SLC16A2: variants seen among roughly 807,000 people sequenced by gnomAD.
SLC16A2 encodes the protein monocarboxylate transporter 8.
SLC16A2 carries 3 observed loss-of-function variants against 27.2 expected under a neutral mutation model. That is an observed-to-expected ratio of 0.11 (90% CI 0.05 to 0.28). The LOEUF is 0.28. SLC16A2 is among the 10% of genes least tolerant of loss of function. The pLI, the probability that SLC16A2 is intolerant of heterozygous loss-of-function variation, is 1.00. For missense variants in SLC16A2, 295 were observed against 458.5 expected, an observed-to-expected ratio of 0.64 and a Z score of 3.26; for synonymous variants, 202 against 187.8, an observed-to-expected ratio of 1.08 and a Z score of -0.62.
At chrX:74,495,483 T>G in intron 1 of SLC16A2, among the ~76,000 whole-genome samples, 1 of 109,002 alleles carries the variant, frequency 9.2e-6, no homozygotes, top group Non-Finnish European at 1.9e-5. Flanking sequence ...TGTCCTGTGG[T>G]TGAAGGAGGC....
intron 1 of SLC16A2, among the ~76,000 whole-genome samples, chrX:74,458,057 G>T (rs1929067519): frequency 9.0e-6 from 1 of 111,728 alleles, no homozygotes; most frequent in Admixed American, 9.5e-5. Context: ...TGATACTAAA[G>T]AAACAAAACA....
chrX:74,446,178 C>T (rs1001181950), intron 1 of SLC16A2, among the ~76,000 whole-genome samples: 2 of 110,862 alleles, frequency 1.8e-5, no homozygotes, highest in African/African-American at 6.6e-5. Context: ...CAGGGTAGAG[C>T]CACACTCTCA....
At chrX:74,526,993 T>C (rs906467047) in intron 4 of SLC16A2, among the ~76,000 whole-genome samples, 3 of 112,514 alleles carry the variant, frequency 2.7e-5, no homozygotes, top group Non-Finnish European at 5.6e-5. Flanking sequence ...AATCTGGCAT[T>C]GGGCCAGGGC....
rs147814121 is a variant in SLC16A2 at position 74,529,273 on chromosome X, G to A, written c.1231G>A (p.Gly411Arg). The A allele has an allele frequency of 4.6e-5, 56 of 1,210,212 alleles. No individual in the cohort carries two copies. Among genetic ancestry groups the A allele is most frequent in the Admixed American group, 8.7e-5 (4 of 45,908 alleles). ...SMMIPLCRDF[G>R]GLIVVCLFLG... Reference sequence around the variant, plus strand: ...GATGATTCCCCTGTGCCGGGACTTCGGGGGCCTTATCGTCGTCTGTCTTTT... The same window carrying A: ...GATGATTCCCCTGTGCCGGGACTTCAGGGGCCTTATCGTCGTCTGTCTTTT... Residue 411 changes from glycine (G) to arginine (R), a missense_variant, in exon 5 of 6, where the codon GGG becomes AGG. Gly to Arg is a moderately radical substitution (Grantham distance 125). This residue lies in a region of SLC16A2 where 144 missense variants were observed against 219.8 expected (regional missense o/e 0.66). Coordinates refer to ENST00000587091, the MANE Select transcript of SLC16A2 (RefSeq NM_006517.5).
intron 1 of SLC16A2, among the ~76,000 whole-genome samples, chrX:74,468,507 T>C (rs967125413): frequency 3.6e-5 from 4 of 112,138 alleles, no homozygotes; most frequent in Non-Finnish European, 7.5e-5. Context: ...ATTTTGTTTA[T>C]GCACTTACAA....
At position 74,455,727 on chromosome X, in the gene SLC16A2, C is replaced by T. The variant is rs541637289; in HGVS notation, c.430+33660C>T. On this transcript the variant is annotated intron_variant, in intron 1 of 5. Coordinates refer to ENST00000587091, the MANE Select transcript of SLC16A2 (RefSeq NM_006517.5). ...CTGGGCATGGCAGCCATGTGGGGAG[C>T]AGTCAGTAGTAGTTCTGTGGTATGT... Among the ~76,000 whole-genome samples, 3 of 111,373 alleles carry T rather than the reference C, an allele frequency of 2.7e-5. No homozygotes were observed. The South Asian group carries it at 1.2e-3, about 43-fold the overall frequency.
intron 2 of SLC16A2, among the ~76,000 whole-genome samples, chrX:74,522,433 C>G (rs1930421298): frequency 9.0e-6 from 1 of 111,283 alleles, no homozygotes; most frequent in African/African-American, 3.3e-5. Flanking sequence ...TGCCTGGAAA[C>G]TACTCAGCAC....
At chrX:74,443,679 A>C (rs368073918) in intron 1 of SLC16A2, among the ~76,000 whole-genome samples, 1 of 112,152 alleles carries the variant, frequency 8.9e-6, no homozygotes, top group East Asian at 2.8e-4. Context: ...GCAAATAAGA[A>C]ATTCCTGCAA....
rs1309559684 is a variant in SLC16A2 at position 74,531,329 on chromosome X, T to C, written c.1400-4T>C. ...GCTTGACTTGTCTCTCTTGACTGTT[T>C]CAGGCCTACTCCGCAACTGTTTTGG... On this transcript the variant is annotated splice_polypyrimidine_tract_variant and splice_region_variant and intron_variant, in intron 5 of 5. Transcript: ENST00000587091. 1.7e-6 allele frequency: 2 copies of C among 1,206,444 alleles called. No individual in the cohort carries two copies. Among genetic ancestry groups the C allele is most frequent in the Non-Finnish European group, 2.2e-6 (2 of 891,520 alleles).
At chrX:74,436,031 A>G (rs1928626379) in intron 1 of SLC16A2, among the ~76,000 whole-genome samples, 1 of 111,358 alleles carries the variant, frequency 9.0e-6, no homozygotes, top group South Asian at 3.8e-4. Context: ...AGGGTGATGG[A>G]GAGTGGTGAG....
chrX:74,494,776 G>C (rs142888117), intron 1 of SLC16A2, among the ~76,000 whole-genome samples: 1,458 of 111,172 alleles, frequency 0.013, 22 homozygotes, highest in African/African-American at 0.046. Flanking sequence ...AGAATGAAGA[G>C]CTCAGTGTCA....
chrX:74,477,840 G>A (rs1408299950), intron 1 of SLC16A2, among the ~76,000 whole-genome samples: 1 of 112,375 alleles, frequency 8.9e-6, no homozygotes, highest in Non-Finnish European at 1.9e-5. Flanking sequence ...ACTGTGGTCT[G>A]AGAGGCAGTT....
intron 1 of SLC16A2, among the ~76,000 whole-genome samples, chrX:74,452,310 A>T (rs1928958639): frequency 8.9e-6 from 1 of 112,004 alleles, no homozygotes; most frequent in Non-Finnish European, 1.9e-5. Context: ...TTCCCGTTCT[A>T]GGAAAGAGAA....
intron 5 of SLC16A2, among the ~76,000 whole-genome samples, chrX:74,531,042 C>A (rs992665014): frequency 8.9e-6 from 1 of 112,396 alleles, no homozygotes. Flanking sequence ...CTGTGGATTT[C>A]TTTTAAACTA....
Position 74,452,972 on chromosome X carries a change from A to G in SLC16A2, c.430+30905A>G, listed in dbSNP as rs773281867. 2.7e-5 allele frequency among the ~76,000 whole-genome samples: 3 copies of G among 111,350 alleles called. No individual in the cohort carries two copies. In the South Asian group the frequency reaches 1.2e-3, roughly 43 times the overall value. ...GTACTCATTGAACTTACAGTTGCCTAAAACTCCTAGGTATCTCTCACACAT... is the reference window on the plus strand; with the variant it reads ...GTACTCATTGAACTTACAGTTGCCTGAAACTCCTAGGTATCTCTCACACAT... On this transcript the variant is annotated intron_variant, in intron 1 of 5. Transcript: ENST00000587091.
chrX:74,493,797 C>T (rs1021557534), intron 1 of SLC16A2, among the ~76,000 whole-genome samples: 1 of 111,357 alleles, frequency 9.0e-6, no homozygotes, highest in African/African-American at 3.3e-5. Context: ...CCCTCTCTGT[C>T]TCTCTGGGGC....
intron 1 of SLC16A2, among the ~76,000 whole-genome samples, chrX:74,512,007 C>T (rs1388777999): frequency 1.8e-5 from 2 of 111,836 alleles, no homozygotes; most frequent in Non-Finnish European, 3.8e-5. Flanking sequence ...CCCCAGCTGA[C>T]CCCTGAAGTG....
At chrX:74,444,200 C>G (rs1260370522) in intron 1 of SLC16A2, among the ~76,000 whole-genome samples, 1 of 111,582 alleles carries the variant, frequency 9.0e-6, no homozygotes, top group African/African-American at 3.3e-5. Flanking sequence ...ACCACTCATT[C>G]TTCATCTTCT....
At chrX:74,506,956 A>T (rs1930145485) in intron 1 of SLC16A2, among the ~76,000 whole-genome samples, 2 of 100,396 alleles carry the variant, frequency 2.0e-5, no homozygotes, top group African/African-American at 7.8e-5. Context: ...TTTTTGAGGC[A>T]GGGTCTCGCT....
Sources: allele counts gnomAD v4.1 joint callset (sites outside exome capture counted in the v4.1 genomes callset), GRCh38; gene constraint gnomAD v4.1.1; regional missense constraint gnomAD v4.1.1; transcripts MANE v1.5; gene names NCBI Gene and HGNC (gene_info 2026-07-23, HGNC 2026-07-21).